Variants in PCDHGA1 observed in about 807,000 individuals in gnomAD.
PCDHGA1 encodes protocadherin gamma subfamily A, 1.
PCDHGA1 carries 32 observed loss-of-function variants against 58.0 expected under a neutral mutation model. That is an observed-to-expected ratio of 0.55 (90% CI 0.42 to 0.74). PCDHGA1 has a LOEUF of 0.74. PCDHGA1 is among the 30% of genes least tolerant of loss of function. The probability of loss-of-function intolerance (pLI) is 0.00; values close to 1 mark genes in which losing one functional copy is unlikely to be tolerated. For missense variants in PCDHGA1, 1,205 were observed against 1,182.3 expected, an observed-to-expected ratio of 1.02 and a Z score of -0.28; for synonymous variants, 498 against 501.1, an observed-to-expected ratio of 0.99 and a Z score of 0.08.
chr5:141,403,340 G>T, intron 1 of PCDHGA1: 3 of 1,613,982 alleles, frequency 1.9e-6, no homozygotes, highest in African/African-American at 1.3e-5. Flanking sequence ...TAACGACAGC[G>T]CCCCAAAGTT....
chr5:141,360,997 G>T (rs766404886), intron 1 of PCDHGA1: 2 of 1,613,544 alleles, frequency 1.2e-6, no homozygotes, highest in Admixed American at 1.7e-5. Flanking sequence ...GGACGAACAA[G>T]TGAAACACTT....
chr5:141,365,581 T>C (rs751305003), intron 1 of PCDHGA1: 49 of 1,613,586 alleles, frequency 3.0e-5, no homozygotes, highest in Middle Eastern at 1.6e-4. Context: ...AGACTTCAGA[T>C]TATAATATCA....
rs1188589100 is a variant in PCDHGA1 at position 141,331,221 on chromosome 5, C to T, written c.537C>T (p.Ser179=). 6.2e-7 allele frequency: 1 copy of T among 1,614,098 alleles called. No homozygotes were observed. Among genetic ancestry groups the T allele is most frequent in the Non-Finnish European group, 8.5e-7 (1 of 1,180,028 alleles). ...SYQLSSNPHF[S]LDVQQGADGP... Reference sequence around the variant, plus strand: ...AACTCAGCTCTAACCCTCATTTCTCCCTGGATGTGCAACAGGGAGCCGATG... The same window carrying T: ...AACTCAGCTCTAACCCTCATTTCTCTCTGGATGTGCAACAGGGAGCCGATG... The change falls in exon 1 of 4, where the codon TCC becomes TCT. Residue 179 remains serine (S), a synonymous_variant. Transcript: ENST00000517417.
intron 1 of PCDHGA1, chr5:141,414,320 A>G: frequency 1.9e-6 from 3 of 1,613,840 alleles, no homozygotes; most frequent in Middle Eastern, 1.6e-4. Flanking sequence ...GACTCTGAGC[A>G]GAATGGACAG....
intron 1 of PCDHGA1, chr5:141,422,667 G>A (rs1283968031): frequency 1.9e-6 from 3 of 1,607,536 alleles, no homozygotes; most frequent in South Asian, 1.1e-5. Context: ...CCCTCGACCC[G>A]GACAGCAAAC....
In PCDHGA1 at chr5:141,511,532, T is replaced by G. The variant is rs548369303; in HGVS notation, c.*359T>G. Reference sequence around the variant, plus strand: ...GCCCATCCATCCCATGCCTCCCTCCTCCCCACCCCACTCCAACAGTTCCTC... The same window carrying G: ...GCCCATCCATCCCATGCCTCCCTCCGCCCCACCCCACTCCAACAGTTCCTC... On this transcript the variant is annotated 3_prime_UTR_variant, in exon 4 of 4. Transcript: ENST00000517417. 3.6e-5 allele frequency: 12 copies of G among 335,506 alleles called. No homozygotes were observed. In the East Asian group the frequency reaches 8.0e-4, roughly 22 times the overall value. The allele number at this position is 335,506 out of a possible 1,614,324, so 20.8% of individuals were successfully genotyped here. A position where few individuals can be genotyped will look rare whatever the true frequency, so the allele number is the denominator to read the frequency against.
chr5:141,423,268 T>G (rs752667215), intron 1 of PCDHGA1: 1 of 1,613,552 alleles, frequency 6.2e-7, no homozygotes, highest in South Asian at 1.1e-5. Flanking sequence ...CAGCCTCGAG[T>G]CTCTGGCTAA....
At chr5:141,413,520 A>G in intron 1 of PCDHGA1, 1 of 1,613,986 alleles carries the variant, frequency 6.2e-7, no homozygotes, top group Non-Finnish European at 8.5e-7. Flanking sequence ...TCCTTGTGGA[A>G]GACAGGGTGA....
At chr5:141,423,120 G>A in intron 1 of PCDHGA1, 1 of 1,613,800 alleles carries the variant, frequency 6.2e-7, no homozygotes. Flanking sequence ...GTACAGCGCG[G>A]GCACTGCTGG....
At chr5:141,386,934 T>C (rs568938502) in intron 1 of PCDHGA1, among the ~76,000 whole-genome samples, 1 of 152,316 alleles carries the variant, frequency 6.6e-6, no homozygotes, top group Non-Finnish European at 1.5e-5. Flanking sequence ...AGTGCAGAGG[T>C]AGGAAGCAGT....
chr5:141,373,903 C>T (rs1769941634), intron 1 of PCDHGA1: 1 of 586,370 alleles, frequency 1.7e-6, no homozygotes. Flanking sequence ...GTTACATCCT[C>T]CAACAACAAA....
chr5:141,378,847 A>G (rs1235220529), intron 1 of PCDHGA1: 2 of 152,214 alleles, frequency 1.3e-5, no homozygotes, highest in Non-Finnish European at 2.9e-5. Flanking sequence ...AGAGTTTTTG[A>G]CTGTCAATGA....
intron 1 of PCDHGA1, chr5:141,478,899 T>A (rs905349011): frequency 9.7e-7 from 1 of 1,027,124 alleles, no homozygotes; most frequent in African/African-American, 1.6e-5. Context: ...ACATTAGGAA[T>A]AAGCTGCTGG....
rs562057533 is a variant in PCDHGA1, at chr5:141,365,545, A to T, written c.2421+32440A>T. 16 of 1,613,796 alleles carry T rather than the reference A, an allele frequency of 9.9e-6. No homozygotes were observed. In the South Asian group the frequency reaches 1.4e-4, roughly 14 times the overall value. ...CAGTTGATAATTACTATCACCTATT[A>T]ACAACTAGGGACCTGGACAGAGAAG... On this transcript the variant is annotated intron_variant, in intron 1 of 3. Coordinates refer to ENST00000517417, the MANE Select transcript of PCDHGA1 (RefSeq NM_018912.3).
chr5:141,372,992 T>C (rs1414132477), intron 1 of PCDHGA1, among the ~76,000 whole-genome samples: 1 of 152,240 alleles, frequency 6.6e-6, no homozygotes, highest in Non-Finnish European at 1.5e-5. Flanking sequence ...GTTGCAGTTG[T>C]TCTTTCATAG....
intron 1 of PCDHGA1, chr5:141,394,242 CACGACCCCG>C (rs1450725417): frequency 1.2e-6 from 2 of 1,613,838 alleles, no homozygotes; most frequent in Non-Finnish European, 1.7e-6. Flanking sequence ...CTTGACTGCA[CACGACCCCG>C]ACAGCCAGGA....
chr5:141,368,346 CACACACATATATAT>C (rs1161760512), intron 1 of PCDHGA1, among the ~76,000 whole-genome samples: 26 of 152,176 alleles, frequency 1.7e-4, no homozygotes, highest in South Asian at 1.4e-3. Context: ...TATACATATA[CACACACATATATAT>C]ACACACATAT....
chr5:141,332,889 G>A lies in PCDHGA1; in HGVS notation c.2205G>A (p.Met735Ile). The A allele has an allele frequency of 6.2e-7, 1 of 1,614,250 alleles. No homozygotes were observed. The highest frequency in any genetic ancestry group is 2.2e-5 in the East Asian group (1 of 44,878). ...LQASGGGLAS[M>I]PGSHFVGVDG... is the part of the protein sequence containing the mutation. ...CTTCGGGAGGCGGCTTAGCGAGCAT[G>A]CCCGGTTCGCACTTTGTGGGCGTGG... The change falls in exon 1 of 4, where the codon ATG becomes ATA. Residue 735 changes from methionine (M) to isoleucine (I), a missense_variant. Physicochemically the swap from Met to Ile is conservative, Grantham distance 10. Coordinates refer to ENST00000517417, the MANE Select transcript of PCDHGA1 (RefSeq NM_018912.3). The surrounding 1 kb of genome is among the most constrained non-coding windows in gnomAD (Gnocchi z 4.6).
chr5:141,336,274 A>G lies in PCDHGA1; in HGVS notation c.2421+3169A>G, dbSNP rs1241314808. Reference sequence around the variant, plus strand: ...GGCACACCTATAATCCCAGGTACTGAGTAGGCTGAGGCAGTAGGATTGCTT... The same window carrying G: ...GGCACACCTATAATCCCAGGTACTGGGTAGGCTGAGGCAGTAGGATTGCTT... On this transcript the variant is annotated intron_variant, in intron 1 of 3. Transcript: ENST00000517417. Among the ~76,000 whole-genome samples the G allele has an allele frequency of 3.3e-5, 5 of 152,160 alleles. No individual in the cohort carries two copies. In the South Asian group the frequency reaches 6.2e-4, roughly 19 times the overall value.
Sources: gnomAD v4.1 joint callset for allele counts (sites outside exome capture counted in the v4.1 genomes callset) on GRCh38, gnomAD v4.1.1 for gene constraint, Gnocchi (gnomAD v3.1) non-coding constraint, MANE v1.5 for transcripts, NCBI Gene and HGNC (gene_info 2026-07-23, HGNC 2026-07-21) for gene names.